The following PLXDC2 variants were observed in gnomAD, a reference collection of about 807,000 sequenced individuals.
PLXDC2 encodes plexin domain containing 2.
In PLXDC2, 40 loss-of-function variants were observed where a neutral mutation model predicts 68.9. The observed-to-expected ratio is 0.58, with a 90% CI of 0.45 to 0.76. The LOEUF is 0.76. PLXDC2 is among the 30% of genes least tolerant of loss of function. The pLI is 0.00. For synonymous variants in PLXDC2, 243 were observed against 234.2 expected (o/e 1.04, Z -0.34); for missense variants, 644 against 661.9 (o/e 0.97, Z 0.30).
intron 13 of PLXDC2, among the ~76,000 whole-genome samples, chr10:20,273,200 T>C (rs1835961302): frequency 6.6e-6 from 1 of 152,228 alleles, no homozygotes; most frequent in Non-Finnish European, 1.5e-5. Context: ...CCCTTTTCTT[T>C]CTTACCAAAA....
chr10:20,186,025 A>G (rs1461130843), intron 9 of PLXDC2, among the ~76,000 whole-genome samples: 2 of 152,042 alleles, frequency 1.3e-5, no homozygotes, highest in East Asian at 3.9e-4. Context: ...AGAATTACTG[A>G]TTAGTAATAT....
intron 12 of PLXDC2, among the ~76,000 whole-genome samples, chr10:20,244,008 G>A (rs935785120): frequency 6.6e-6 from 1 of 151,382 alleles, no homozygotes; most frequent in Admixed American, 6.6e-5. Context: ...GCAGTGAGCC[G>A]AGATCACACC....
intron 2 of PLXDC2, among the ~76,000 whole-genome samples, chr10:20,022,807 G>A (rs1835335082): frequency 6.6e-6 from 1 of 152,048 alleles, no homozygotes; most frequent in Non-Finnish European, 1.5e-5. Flanking sequence ...TTGGGATGAG[G>A]GAGTTGTGAA....
intron 13 of PLXDC2, among the ~76,000 whole-genome samples, chr10:20,274,279 A>T (rs968919733): frequency 2.0e-5 from 3 of 152,188 alleles, no homozygotes; most frequent in Non-Finnish European, 4.4e-5. Flanking sequence ...TGATTGAAAG[A>T]TATTTATTCG....
At chr10:20,025,474 C>A (rs1835384040) in intron 2 of PLXDC2, among the ~76,000 whole-genome samples, 1 of 152,014 alleles carries the variant, frequency 6.6e-6, no homozygotes, top group African/African-American at 2.4e-5. Context: ...GTTGGTCAGG[C>A]TGGTCTTGAA....
At chr10:19,951,287 A>G (rs969396396) in intron 1 of PLXDC2, among the ~76,000 whole-genome samples, 1 of 152,208 alleles carries the variant, frequency 6.6e-6, no homozygotes, top group Non-Finnish European at 1.5e-5. Flanking sequence ...AACTTAAACA[A>G]TTCAACAAAC....
At chr10:20,169,265 T>C (rs550831134) in intron 7 of PLXDC2, among the ~76,000 whole-genome samples, 1 of 152,310 alleles carries the variant, frequency 6.6e-6, no homozygotes, top group South Asian at 2.1e-4. Context: ...TTGTACCAGT[T>C]TACTACCCAT....
chr10:19,867,136 G>T (rs1201328499), intron 1 of PLXDC2, among the ~76,000 whole-genome samples: 2 of 147,282 alleles, frequency 1.4e-5, no homozygotes, highest in African/African-American at 5.0e-5. Flanking sequence ...TGCGATCTTG[G>T]CTCACTGCAA....
At chr10:20,057,754 G>C (rs1191549921) in intron 3 of PLXDC2, among the ~76,000 whole-genome samples, 1 of 152,020 alleles carries the variant, frequency 6.6e-6, no homozygotes, top group Non-Finnish European at 1.5e-5. Context: ...CTGGGCCAAG[G>C]TGAAGCACAT....
chr10:20,032,003 T>C (rs543145844), intron 2 of PLXDC2, among the ~76,000 whole-genome samples: 1 of 152,028 alleles, frequency 6.6e-6, no homozygotes, highest in Non-Finnish European at 1.5e-5. Flanking sequence ...GTATTTTTTG[T>C]AGAGACAAGG....
intron 1 of PLXDC2, among the ~76,000 whole-genome samples, chr10:19,964,661 T>A (rs1834218234): frequency 6.6e-6 from 1 of 152,212 alleles, no homozygotes; most frequent in Non-Finnish European, 1.5e-5. Context: ...GTCCCCTTGC[T>A]GTGTTTTTAT....
chr10:19,922,728 C>T (rs1433386632), intron 1 of PLXDC2, among the ~76,000 whole-genome samples: 1 of 152,168 alleles, frequency 6.6e-6, no homozygotes, highest in East Asian at 1.9e-4. Flanking sequence ...CAAAATCCAG[C>T]TCAGTGTTTC....
At chr10:19,906,542 G>T (rs1259922095) in intron 1 of PLXDC2, among the ~76,000 whole-genome samples, 1 of 152,166 alleles carries the variant, frequency 6.6e-6, no homozygotes, top group Non-Finnish European at 1.5e-5. Flanking sequence ...GGAGATTAGG[G>T]CAGGTGGACA....
intron 1 of PLXDC2, among the ~76,000 whole-genome samples, chr10:19,903,594 A>G (rs906438831): frequency 7.3e-5 from 11 of 151,172 alleles, no homozygotes; most frequent in Admixed American, 5.9e-4. Context: ...CTAATGGTCT[A>G]TCAATTTTAT....
chr10:20,080,343 G>A (rs574542621), intron 4 of PLXDC2, among the ~76,000 whole-genome samples: 5 of 146,586 alleles, frequency 3.4e-5, no homozygotes, highest in Non-Finnish European at 7.4e-5. Flanking sequence ...ATGATCAAAA[G>A]GCGAAGTCCC....
chr10:20,191,704 T>C (rs569955827), intron 9 of PLXDC2, among the ~76,000 whole-genome samples: 4 of 151,828 alleles, frequency 2.6e-5, no homozygotes, highest in Admixed American at 6.6e-5. Context: ...ACACCTAATG[T>C]TAAATGACGA....
chr10:19,825,813 A>T (rs190935581), intron 1 of PLXDC2, among the ~76,000 whole-genome samples: 1 of 152,278 alleles, frequency 6.6e-6, no homozygotes, highest in East Asian at 1.9e-4. Flanking sequence ...ATACAAACTT[A>T]GACTGTAGCT....
chr10:20,268,340 T>C (rs1835896437), intron 13 of PLXDC2, among the ~76,000 whole-genome samples: 1 of 152,194 alleles, frequency 6.6e-6, no homozygotes. Context: ...CTTAAATAGG[T>C]AAAAAGTTTG....
At chr10:19,824,211 A>G (rs1836531486) in intron 1 of PLXDC2, among the ~76,000 whole-genome samples, 1 of 152,202 alleles carries the variant, frequency 6.6e-6, no homozygotes, top group African/African-American at 2.4e-5. Flanking sequence ...TGTCTTCTGG[A>G]CATTATAAAT....
Sources: gnomAD v4.1 joint callset for allele counts (sites outside exome capture counted in the v4.1 genomes callset) on GRCh38, gnomAD v4.1.1 for gene constraint, MANE v1.5 for transcripts, NCBI Gene and HGNC (gene_info 2026-07-23, HGNC 2026-07-21) for gene names.